Variants in BMP8B observed in about 807,000 individuals in gnomAD.
The protein encoded by BMP8B is bone morphogenetic protein 8b, also known as bone morphogenetic protein 8 (osteogenic protein 2).
BMP8B carries 17 observed loss-of-function variants against 30.3 expected under a neutral mutation model. That is an observed-to-expected ratio of 0.56 (90% CI 0.38 to 0.84). BMP8B has a LOEUF of 0.84. Among genes scored for constraint, BMP8B ranks in the 40% least tolerant of loss-of-function variants. BMP8B has a pLI of 0.00. For missense variants in BMP8B, 253 were observed against 494.6 expected (o/e 0.51, Z 4.63); for synonymous variants, 131 against 214.7 (o/e 0.61, Z 3.41).
chr1:39,762,564 CAA>C (rs1649138068), intron 6 of BMP8B: 2 of 1,550,234 alleles, frequency 1.3e-6, no homozygotes, highest in Non-Finnish European at 8.7e-7. Flanking sequence ...CCAGAAAAAA[CAA>C]AGATGGCCAA....
chr1:39,777,863 G>A (rs1005934465), intron 1 of BMP8B, among the ~76,000 whole-genome samples: 7 of 152,108 alleles, frequency 4.6e-5, no homozygotes, highest in Non-Finnish European at 8.8e-5. Context: ...GACGCCTCCC[G>A]CAGAGTCCCT....
rs1341067569 is a variant in BMP8B at position 39,788,809 on chromosome 1, A to AG, written c.-325dup. 2.0e-5 allele frequency: 3 copies of AG among 152,958 alleles called. No homozygotes were observed. Among genetic ancestry groups the AG allele is most frequent in the African/African-American group, 7.2e-5 (3 of 41,380 alleles). 9.5% of individuals were successfully genotyped at this position (152,958 alleles called of 1,614,324 possible). ...GCTGTGGCCGCGGTCCGAGCAGCGCAGGGGCGATGGGCGAGCTCCTGCAGC... is the reference window on the plus strand; with the variant it reads ...GCTGTGGCCGCGGTCCGAGCAGCGCAGGGGGCGATGGGCGAGCTCCTGCAGC... On this transcript the variant is annotated 5_prime_UTR_variant, in exon 1 of 7. Transcript: ENST00000372827. The surrounding 1 kb of genome is among the most constrained non-coding windows in gnomAD (Gnocchi z 5.8).
rs544904408 is a variant in BMP8B at position 39,771,716 on chromosome 1, T to C, written c.673+2592A>G. ...CTCTGTGCCAAGCACCCTCCTTTAA[T>C]CCTGTGACAACCCGGAGAGTGAGTG... On this transcript the variant is annotated intron_variant, in intron 3 of 6. Coordinates refer to ENST00000372827, the MANE Select transcript of BMP8B (RefSeq NM_001720.5). Among the ~76,000 whole-genome samples, 14 of 147,382 alleles carry C rather than the reference T, an allele frequency of 9.5e-5. No individual in the cohort carries two copies. In the South Asian group the frequency reaches 2.8e-3, roughly 30 times the overall value.
chr1:39,788,630 G>A lies in BMP8B; in HGVS notation c.-145C>T. 1 of 760,448 alleles carries A rather than the reference G, an allele frequency of 1.3e-6. No homozygotes were observed. Among genetic ancestry groups the A allele is most frequent in the Non-Finnish European group, 1.6e-6 (1 of 625,508 alleles). The allele number at this position is 760,448 out of a possible 1,614,324, so 47.1% of individuals were successfully genotyped here. On this transcript the variant is annotated 5_prime_UTR_variant, in exon 1 of 7. Transcript: ENST00000372827. This position sits in a 1 kb window ranked among gnomAD's most constrained non-coding sequence, Gnocchi z 5.8. ...GGGCGGGGCGGGACGGGCGGCGACC[G>A]CGGCCTCAGCGCGGTCCCTGGAGCG...
At chr1:39,782,406 C>T (rs537281020) in intron 1 of BMP8B, among the ~76,000 whole-genome samples, 4 of 152,244 alleles carry the variant, frequency 2.6e-5, no homozygotes, top group Admixed American at 1.3e-4. Flanking sequence ...GGGCATAATC[C>T]GCAGGCCCTT....
chr1:39,757,684 A>G lies in BMP8B; in HGVS notation c.*2735T>C, dbSNP rs974315889. The stretch of plus-strand genomic sequence containing the variant: ...ATCCTTCCAACCCTCATCTGGTGCA[A>G]CGAGATAAACAGGCCATGCCCTGAG... On this transcript the variant is annotated 3_prime_UTR_variant, in exon 7 of 7. Coordinates refer to ENST00000372827, the MANE Select transcript of BMP8B (RefSeq NM_001720.5). 1 of 152,182 alleles carries G rather than the reference A, an allele frequency of 6.6e-6. No individual in the cohort carries two copies. The allele number at this position is 152,182 out of a possible 1,614,324, so 9.4% of individuals were successfully genotyped here.
intron 1 of BMP8B, among the ~76,000 whole-genome samples, chr1:39,783,259 A>G (rs12123153): frequency 0.053 from 8,019 of 152,206 alleles, 274 homozygotes; most frequent in Non-Finnish European, 0.075. Context: ...TCTACCTTTC[A>G]TATCTGCTCC....
intron 4 of BMP8B, 22 bp from the exon 5 acceptor site, chr1:39,763,813 G>A (rs1329024533): frequency 2.5e-6 from 4 of 1,596,996 alleles, no homozygotes; most frequent in Non-Finnish European, 2.6e-6. Flanking sequence ...GAAGGGGCAA[G>A]GTCTTTTCTG....
intron 1 of BMP8B, among the ~76,000 whole-genome samples, chr1:39,786,279 G>T (rs1650976484): frequency 6.6e-6 from 1 of 152,232 alleles, no homozygotes; most frequent in Admixed American, 6.5e-5. Flanking sequence ...ATGTGGAGAT[G>T]TTCCTGTCAC....
At chr1:39,787,126 G>A (rs12130776) in intron 1 of BMP8B, among the ~76,000 whole-genome samples, 21,819 of 152,252 alleles carry the variant, frequency 0.14, 1,950 homozygotes, top group Middle Eastern at 0.29. Flanking sequence ...GCCTCTCTGA[G>A]CCTCACTGTC....
In BMP8B at chr1:39,768,082, G is replaced by GCACA. The variant is rs376676110; in HGVS notation, c.674-3269_674-3266dup. The stretch of plus-strand genomic sequence containing the variant: ...CAACAGCACGTGTGCACGCGTGCAT[G>GCACA]CACACACACACACACACACAATCTT... On this transcript the variant is annotated intron_variant, in intron 3 of 6. Coordinates refer to ENST00000372827, the MANE Select transcript of BMP8B (RefSeq NM_001720.5). Among the ~76,000 whole-genome samples the GCACA allele has an allele frequency of 8.4e-3, 1,246 of 149,086 alleles. 22 individuals are homozygous for GCACA. Among genetic ancestry groups the GCACA allele is most frequent in the African/African-American group, 0.028 (1,148 of 40,510 alleles).
intron 1 of BMP8B, among the ~76,000 whole-genome samples, chr1:39,780,418 C>T (rs758556872): frequency 3.3e-5 from 5 of 152,234 alleles, no homozygotes; most frequent in Admixed American, 6.5e-5. Context: ...TCCTAATCCA[C>T]GACCTCTCCA....
At chr1:39,779,464 G>C (rs1160213326) in intron 1 of BMP8B, among the ~76,000 whole-genome samples, 1 of 152,224 alleles carries the variant, frequency 6.6e-6, no homozygotes, top group Non-Finnish European at 1.5e-5. Context: ...TGCTGGGGAG[G>C]AGGAGAAAGA....
intron 1 of BMP8B, among the ~76,000 whole-genome samples, chr1:39,782,711 GC>G (rs949911176): frequency 1.1e-4 from 17 of 151,912 alleles, no homozygotes; most frequent in Non-Finnish European, 2.2e-4. Context: ...CAGGTGATCC[GC>G]CCCCGCTTGG....
At chr1:39,761,514 C>T (rs1349133513) in intron 6 of BMP8B, 1 of 151,362 alleles carries the variant, frequency 6.6e-6, no homozygotes, top group Non-Finnish European at 1.5e-5. Flanking sequence ...TGCTAAAGAG[C>T]TCCGACAGCC....
At chr1:39,770,846 G>A (rs1337710216) in intron 3 of BMP8B, 1 of 781,684 alleles carries the variant, frequency 1.3e-6, no homozygotes, top group East Asian at 2.8e-5. Context: ...GGTGCCCTGG[G>A]GCGTGAGCTC....
rs773116776 is a variant in BMP8B at position 39,763,205 on chromosome 1, G to A, written c.949-3C>T. 6.2e-7 allele frequency: 1 copy of A among 1,607,256 alleles called. No individual in the cohort carries two copies. On this transcript the variant is annotated splice_region_variant and splice_polypyrimidine_tract_variant and intron_variant, in intron 5 of 6. Transcript: ENST00000372827. ...CCTTGGGGAGCGATGACCCAGTCCT[G>A]GGGGGCAAGGGAGAAGGTGAGTCCC...
Position 39,783,110 on chromosome 1 carries a change from G to A in BMP8B, c.334+5042C>T, listed in dbSNP as rs1255469203. ...TTAAAGATGAGGAAACTGAGATGCC[G>A]AGACTTTAAATGATCTGTTCAACAG... On this transcript the variant is annotated intron_variant, in intron 1 of 6. Transcript: ENST00000372827. 3.3e-5 allele frequency among the ~76,000 whole-genome samples: 5 copies of A among 152,256 alleles called. No individual in the cohort carries two copies. In the East Asian group the frequency reaches 5.8e-4, roughly 18 times the overall value.
chr1:39,787,648 CCT>C (rs1392164099), intron 1 of BMP8B, among the ~76,000 whole-genome samples: 5 of 152,154 alleles, frequency 3.3e-5, no homozygotes, highest in Non-Finnish European at 5.9e-5. Flanking sequence ...CAGCCGCCCC[CCT>C]GACAGCCGCA....
Sources: gnomAD v4.1 joint callset for allele counts (sites outside exome capture counted in the v4.1 genomes callset) on GRCh38, gnomAD v4.1.1 for gene constraint, Gnocchi (gnomAD v3.1) non-coding constraint, MANE v1.5 for transcripts, NCBI Gene and HGNC (gene_info 2026-07-23, HGNC 2026-07-21) for gene names.